Variants in FHIT observed in about 807,000 individuals in gnomAD.
FHIT encodes the protein fragile histidine triad diadenosine triphosphatase.
In FHIT, 19 loss-of-function variants were observed where a neutral mutation model predicts 17.9. That is an observed-to-expected ratio of 1.06 (90% CI 0.74 to 1.56). FHIT has a LOEUF of 1.56. Among genes scored for constraint, FHIT ranks in the 40% most tolerant of loss-of-function variants. FHIT has a pLI of 0.00. For missense variants in FHIT, 248 were observed against 189.2 expected (o/e 1.31, Z -1.82); for synonymous variants, 81 against 69.7 (o/e 1.16, Z -0.81).
intron 4 of FHIT, among the ~76,000 whole-genome samples, chr3:60,672,771 T>C (rs924488956): frequency 6.6e-6 from 1 of 150,694 alleles, no homozygotes; most frequent in Middle Eastern, 3.2e-3. Flanking sequence ...TCTTTTTTTG[T>C]TTCCTTCTTC....
intron 3 of FHIT, among the ~76,000 whole-genome samples, chr3:60,941,510 G>C (rs553509633): frequency 6.6e-6 from 1 of 152,278 alleles, no homozygotes; most frequent in Non-Finnish European, 1.5e-5. Context: ...GGTCCCCTCT[G>C]CTCTCCCTTC....
chr3:60,404,359 C>T (rs537158612), intron 5 of FHIT, among the ~76,000 whole-genome samples: 8 of 152,112 alleles, frequency 5.3e-5, no homozygotes, highest in African/African-American at 1.9e-4. Flanking sequence ...TTTAAACAAA[C>T]CCAAAAAGAG....
At chr3:59,983,945 T>C (rs1708770991) in intron 7 of FHIT, among the ~76,000 whole-genome samples, 1 of 115,762 alleles carries the variant, frequency 8.6e-6, no homozygotes, top group African/African-American at 2.7e-5. Context: ...CTCTACGTAC[T>C]GAAGTGATAG....
intron 5 of FHIT, among the ~76,000 whole-genome samples, chr3:60,372,947 G>A (rs928908647): frequency 2.0e-5 from 3 of 152,128 alleles, no homozygotes; most frequent in African/African-American, 7.2e-5. Context: ...CTGGTGGTGT[G>A]TTCATAATCA....
In FHIT at chr3:60,017,846, G is replaced by A. The variant is rs1700402859; in HGVS notation, c.104-3694C>T. ...AAAGACATATTCGCATTAGTCAGGT[G>A]CCTAGAGCTGGTGTGGTTTGCTATT... On this transcript the variant is annotated intron_variant, in intron 5 of 9. Coordinates refer to ENST00000492590, the MANE Select transcript of FHIT (RefSeq NM_002012.4). 2.0e-5 allele frequency among the ~76,000 whole-genome samples: 3 copies of A among 152,186 alleles called. No individual in the cohort carries two copies. In the South Asian group the frequency reaches 6.2e-4, roughly 32 times the overall value.
chr3:60,028,413 AG>A (rs1160965591), intron 5 of FHIT, among the ~76,000 whole-genome samples: 1 of 152,246 alleles, frequency 6.6e-6, no homozygotes, highest in East Asian at 1.9e-4. Flanking sequence ...TGTAGATCAT[AG>A]ATGTGCATGA....
intron 4 of FHIT, among the ~76,000 whole-genome samples, chr3:60,709,939 T>C (rs1577097385): frequency 6.6e-6 from 1 of 152,124 alleles, no homozygotes; most frequent in Non-Finnish European, 1.5e-5. Flanking sequence ...TGCAGAAAAA[T>C]AGTGTTCCAT....
chr3:60,488,073 A>T (rs532593129), intron 5 of FHIT, among the ~76,000 whole-genome samples: 11 of 152,322 alleles, frequency 7.2e-5, no homozygotes, highest in African/African-American at 2.4e-4. Flanking sequence ...AAAAAAGAAA[A>T]TCCTGACAAG....
Position 60,238,078 on chromosome 3 carries a change from G to A in FHIT, c.104-223926C>T, listed in dbSNP as rs553556189. Among the ~76,000 whole-genome samples, 65 of 150,896 alleles carry A rather than the reference G, an allele frequency of 4.3e-4. No individual in the cohort carries two copies. In the East Asian group the frequency reaches 0.011, roughly 24 times the overall value. The stretch of plus-strand genomic sequence containing the variant: ...GGAAAATCGCTTGAGCCTTGGAGGC[G>A]GAGGTGGCAGTGAGCCGAGATTGTA... On this transcript the variant is annotated intron_variant, in intron 5 of 9. Coordinates refer to ENST00000492590, the MANE Select transcript of FHIT (RefSeq NM_002012.4).
At chr3:61,155,370 A>G (rs1280954290) in intron 2 of FHIT, among the ~76,000 whole-genome samples, 1 of 152,144 alleles carries the variant, frequency 6.6e-6, no homozygotes, top group Admixed American at 6.6e-5. Context: ...AGGTAGATTA[A>G]TTTTTTTAAT....
intron 1 of FHIT, among the ~76,000 whole-genome samples, chr3:61,203,551 A>T (rs1406744944): frequency 1.3e-5 from 2 of 152,218 alleles, no homozygotes; most frequent in Non-Finnish European, 2.9e-5. Context: ...GAGAAACAAG[A>T]AGCAATAGTA....
intron 7 of FHIT, among the ~76,000 whole-genome samples, chr3:59,955,112 G>A (rs13081972): frequency 0.34 from 51,462 of 152,082 alleles, 10,419 homozygotes; most frequent in East Asian, 0.62. Context: ...AAAAACAACA[G>A]TAGCTATCGT....
intron 2 of FHIT, among the ~76,000 whole-genome samples, chr3:61,071,709 G>T (rs190791992): frequency 4.6e-5 from 7 of 151,934 alleles, no homozygotes; most frequent in Non-Finnish European, 2.9e-5. Context: ...ATATTTCTAC[G>T]TTGGCATATT....
At chr3:60,953,861 C>T (rs1449998699) in intron 3 of FHIT, among the ~76,000 whole-genome samples, 2 of 152,190 alleles carry the variant, frequency 1.3e-5, no homozygotes, top group Non-Finnish European at 2.9e-5. Flanking sequence ...TTCAATGTCA[C>T]GGAAAGATGT....
chr3:60,426,598 G>A (rs748604129), intron 5 of FHIT, among the ~76,000 whole-genome samples: 8 of 152,002 alleles, frequency 5.3e-5, no homozygotes, highest in Non-Finnish European at 1.0e-4. Flanking sequence ...CCATTCTACA[G>A]AAAGCACTAC....
chr3:60,938,982 A>G (rs1324649540), intron 3 of FHIT, among the ~76,000 whole-genome samples: 1 of 152,206 alleles, frequency 6.6e-6, no homozygotes, highest in Non-Finnish European at 1.5e-5. Flanking sequence ...CCAGAAAACT[A>G]TAGGTGGATA....
intron 3 of FHIT, among the ~76,000 whole-genome samples, chr3:60,829,811 G>GGATTATTTTGAGCT (rs1559754780): frequency 2.6e-5 from 4 of 152,142 alleles, no homozygotes; most frequent in Non-Finnish European, 5.9e-5. Flanking sequence ...TTTAGCATAA[G>GGATTATTTTGAGCT]GATTATTTTG....
At chr3:60,013,762 C>A (rs1700228752) in intron 6 of FHIT, among the ~76,000 whole-genome samples, 1 of 152,122 alleles carries the variant, frequency 6.6e-6, no homozygotes, top group Non-Finnish European at 1.5e-5. Context: ...TCCATTAAAT[C>A]ACTTATCCAT....
intron 2 of FHIT, among the ~76,000 whole-genome samples, chr3:61,139,303 T>A (rs1189997254): frequency 6.6e-6 from 1 of 152,142 alleles, no homozygotes; most frequent in East Asian, 1.9e-4. Context: ...ATCAAACTTA[T>A]TTTTTATTGC....
Sources: allele counts gnomAD v4.1 joint callset (sites outside exome capture counted in the v4.1 genomes callset), GRCh38; gene constraint gnomAD v4.1.1; transcripts MANE v1.5; gene names NCBI Gene and HGNC (gene_info 2026-07-23, HGNC 2026-07-21).